Variants in DEFB109B observed in about 807,000 individuals in gnomAD.
The protein encoded by DEFB109B is beta-defensin 109B.
At chr8:7,316,925 G>A (rs1251599489) in intron 1 of DEFB109B, among the ~76,000 whole-genome samples, 1 of 126,022 alleles carries the variant, frequency 7.9e-6, no homozygotes, top group Non-Finnish European at 1.5e-5. Context: ...ACAGGCATGA[G>A]CCACCATGCC....
exon 2 of DEFB109B, chr8:7,319,761 G>A (rs1288969194): frequency 6.9e-6 from 1 of 145,766 alleles, no homozygotes; most frequent in South Asian, 2.1e-4. Flanking sequence ...GGTGGTTTGG[G>A]TCCTGCGGAA....
chr8:7,310,669 G>T (rs1802571628), upstream of DEFB109B, among the ~76,000 whole-genome samples: 4 of 146,680 alleles, frequency 2.7e-5, no homozygotes, highest in African/African-American at 1.1e-4. Flanking sequence ...ATAGGTTTGG[G>T]GCTGATCTGA....
rs1312145845 is a variant in DEFB109B at position 7,319,602 on chromosome 8, G to A, written n.59-144G>A. The A allele has an allele frequency of 6.4e-5, 9 of 141,154 alleles. 1 individual carries two copies. Among genetic ancestry groups the A allele is most frequent in the African/African-American group, 2.9e-4 (9 of 31,302 alleles). The allele number at this position is 141,154 out of a possible 1,614,324, so 8.7% of individuals were successfully genotyped here. A position where few individuals can be genotyped will look rare whatever the true frequency, so the allele number is the denominator to read the frequency against. The stretch of plus-strand genomic sequence containing the variant: ...AACTGCTACCTTTCTTAAACTGCAT[G>A]TGTCTCTGACATATGAGCAGCAACC... On this transcript the variant is annotated intron_variant and non_coding_transcript_variant, in intron 1 of 1. Transcript: ENST00000382656.
intron 1 of DEFB109B, among the ~76,000 whole-genome samples, chr8:7,315,656 G>C (rs1216354217): frequency 7.7e-6 from 1 of 130,442 alleles, no homozygotes; most frequent in East Asian, 2.1e-4. Context: ...ACATTTGCTT[G>C]AGGTTCACTT....
chr8:7,319,693 G>T (rs1803193793), intron 1 of DEFB109B, 53 bp from the exon 2 acceptor site: 1 of 147,828 alleles, frequency 6.8e-6, no homozygotes, highest in African/African-American at 2.8e-5. Context: ...AGTGTTTATG[G>T]ATTTACATTC....
chr8:7,316,722 G>C (rs1585317248), intron 1 of DEFB109B, among the ~76,000 whole-genome samples: 1 of 143,942 alleles, frequency 6.9e-6, no homozygotes, highest in Admixed American at 6.7e-5. Flanking sequence ...CACCTCCTGG[G>C]TTCAAGTGAT....
intron 1 of DEFB109B, chr8:7,318,958 T>C (rs1311590105): frequency 1.4e-5 from 2 of 146,276 alleles, no homozygotes; most frequent in East Asian, 1.9e-4. Context: ...TAAGACACTA[T>C]TAGCAATTAA....
At chr8:7,312,374 G>T, upstream of DEFB109B, among the ~76,000 whole-genome samples, 1 of 137,414 alleles carries the variant, frequency 7.3e-6, no homozygotes, top group African/African-American at 3.5e-5. Context: ...AAGGGACGTA[G>T]GAAACATTTG....
chr8:7,310,712 C>T (rs1263130683), upstream of DEFB109B, among the ~76,000 whole-genome samples: 3 of 147,736 alleles, frequency 2.0e-5, no homozygotes, highest in Non-Finnish European at 2.9e-5. Flanking sequence ...TTAAGCTACT[C>T]TGTCACATTG....
chr8:7,312,464 C>T (rs1273780677), upstream of DEFB109B, among the ~76,000 whole-genome samples: 1 of 143,492 alleles, frequency 7.0e-6, no homozygotes, highest in African/African-American at 3.0e-5. Context: ...AAACTATATC[C>T]ATTAATTATG....
intron 1 of DEFB109B, chr8:7,318,912 CA>C (rs1803116823): frequency 1.4e-5 from 2 of 146,006 alleles, no homozygotes; most frequent in East Asian, 3.9e-4. Flanking sequence ...TTTATAATGT[CA>C]AAAACACTTT....
chr8:7,319,294 T>C (rs558347588), intron 1 of DEFB109B: 2 of 134,970 alleles, frequency 1.5e-5, no homozygotes, highest in South Asian at 4.4e-4. Context: ...AATAGCCATA[T>C]AGAAAAAACA....
chr8:7,311,961 C>A (rs1266837539), upstream of DEFB109B, among the ~76,000 whole-genome samples: 5 of 125,646 alleles, frequency 4.0e-5, 1 homozygote, highest in African/African-American at 1.5e-4. Flanking sequence ...TTTTTAAAAT[C>A]AAGTCAAGTT....
chr8:7,315,907 C>G (rs1363746189), intron 1 of DEFB109B, among the ~76,000 whole-genome samples: 5 of 112,948 alleles, frequency 4.4e-5, no homozygotes, highest in Non-Finnish European at 8.4e-5. Flanking sequence ...TTTCTAAATT[C>G]TAAACAAAAG....
chr8:7,312,099 G>GC (rs1348337421), upstream of DEFB109B, among the ~76,000 whole-genome samples: 1 of 98,656 alleles, frequency 1.0e-5, no homozygotes, highest in Non-Finnish European at 1.8e-5. Context: ...TTGGGTGGGG[G>GC]GGGGGAACAG....
upstream of DEFB109B, among the ~76,000 whole-genome samples, chr8:7,310,580 A>G: frequency 7.3e-6 from 1 of 137,138 alleles, no homozygotes; most frequent in East Asian, 2.0e-4. Context: ...CTTAGGTAAT[A>G]CTGTGTGTGT....
At chr8:7,310,548 A>C (rs1369375899), upstream of DEFB109B, among the ~76,000 whole-genome samples, 1 of 139,222 alleles carries the variant, frequency 7.2e-6, no homozygotes, top group Non-Finnish European at 1.5e-5. Flanking sequence ...TGTCTATCCA[A>C]GATTGTCATC....
intron 1 of DEFB109B, chr8:7,319,292 T>C (rs1431860140): frequency 2.3e-5 from 3 of 130,428 alleles, no homozygotes; most frequent in Non-Finnish European, 4.6e-5. Context: ...AAAATAGCCA[T>C]ATAGAAAAAA....
chr8:7,312,574 A>G (rs1237356341), upstream of DEFB109B, among the ~76,000 whole-genome samples: 1 of 143,900 alleles, frequency 6.9e-6, no homozygotes, highest in African/African-American at 2.9e-5. Flanking sequence ...TATGCATGTC[A>G]AAAATAATAA....
Sources: gnomAD v4.1 joint callset for allele counts (sites outside exome capture counted in the v4.1 genomes callset) on GRCh38, gnomAD v4.1.1 for gene constraint, MANE v1.5 for transcripts, NCBI Gene and HGNC (gene_info 2026-07-23, HGNC 2026-07-21) for gene names.